The following CCDC141 variants were observed in gnomAD, a reference collection of about 807,000 sequenced individuals.
The protein encoded by CCDC141 is coiled-coil domain containing 141, also known as coiled-coil domain-containing protein 141.
A neutral mutation model predicts 181.0 loss-of-function variants in CCDC141; 168 were observed. That is an observed-to-expected ratio of 0.93 (90% CI 0.82 to 1.05). CCDC141 has a LOEUF of 1.05. Ranked by LOEUF, CCDC141 falls within the 50% of genes least tolerant of loss-of-function variation. The pLI, the probability that CCDC141 is intolerant of heterozygous loss-of-function variation, is 0.00. For synonymous variants in CCDC141, 666 were observed against 642.3 expected (o/e 1.04, Z -0.56); for missense variants, 1,902 against 1,788.5 (o/e 1.06, Z -1.14).
At chr2:178,964,107 C>T (rs1250716256) in intron 4 of CCDC141, among the ~76,000 whole-genome samples, 1 of 152,170 alleles carries the variant, frequency 6.6e-6, no homozygotes, top group Non-Finnish European at 1.5e-5. Flanking sequence ...GTAAAAGCAG[C>T]TTATAGCAGG....
chr2:178,963,421 TTGTTTTTTTCAGGTTGGGGGAACTA>T, intron 4 of CCDC141, among the ~76,000 whole-genome samples: 1 of 152,122 alleles, frequency 6.6e-6, no homozygotes, highest in Non-Finnish European at 1.5e-5. Flanking sequence ...CTGTTTTTTT[TTGTTTTTTTCAGGTTGGGGGAACTA>T]TGGAGAACAC....
chr2:178,818,868 T>C, the CCDC141 span, among the ~76,000 whole-genome samples: 3 of 152,172 alleles, frequency 2.0e-5, no homozygotes, highest in African/African-American at 4.8e-5. Context: ...TCTTCCACAA[T>C]TGTTGAACTA....
At chr2:179,039,736 T>A (rs1366378371) in intron 2 of CCDC141, among the ~76,000 whole-genome samples, 1 of 152,198 alleles carries the variant, frequency 6.6e-6, no homozygotes, top group African/African-American at 2.4e-5. Context: ...ACTACTAATG[T>A]CCTCATCCTT....
chr2:178,926,139 T>C (rs1360426960), intron 6 of CCDC141, among the ~76,000 whole-genome samples: 3 of 151,958 alleles, frequency 2.0e-5, no homozygotes, highest in Non-Finnish European at 4.4e-5. Context: ...TTTATATTGG[T>C]AGGGTGAAAA....
rs1165919658 is a variant in CCDC141, at chr2:178,865,911, G to T, written c.2580C>A (p.Cys860Ter). 1.3e-6 allele frequency: 2 copies of T among 1,577,900 alleles called. No individual in the cohort carries two copies. Among genetic ancestry groups the T allele is most frequent in the Non-Finnish European group, 1.7e-6 (2 of 1,162,692 alleles). The part of the protein sequence containing the change: ...DIISSVQRPH[C>*]SNVSAKNLQQ... Reference sequence around the variant, plus strand: ...GTAGGTTCTTTGCAGAAACATTAGAGCAGTGCTAAAAGAGACAAATGGTGG... The same window carrying T: ...GTAGGTTCTTTGCAGAAACATTAGATCAGTGCTAAAAGAGACAAATGGTGG... The change falls in exon 17 of 24, where the codon TGC becomes TGA. Residue 860 changes from cysteine to a stop codon, truncating the protein, a stop_gained. Coordinates refer to ENST00000443758, the MANE Select transcript of CCDC141 (RefSeq NM_173648.4). LOFTEE classifies it high-confidence loss of function.
intron 2 of CCDC141, among the ~76,000 whole-genome samples, chr2:179,029,374 G>T (rs1317762119): frequency 2.6e-5 from 4 of 152,090 alleles, no homozygotes; most frequent in Non-Finnish European, 5.9e-5. Flanking sequence ...AGCCACTTCT[G>T]AATTTGTTTA....
chr2:178,991,237 C>A (rs1456653606), intron 2 of CCDC141, among the ~76,000 whole-genome samples: 1 of 152,182 alleles, frequency 6.6e-6, no homozygotes. Flanking sequence ...GTTTTTCAGA[C>A]ATACTGAAGA....
intron 5 of CCDC141, 92 bp downstream of exon 5, chr2:178,961,138 T>C (rs1348383461): frequency 2.9e-6 from 4 of 1,381,078 alleles, no homozygotes; most frequent in African/African-American, 1.5e-5. Flanking sequence ...GATTTGACCA[T>C]GAAGACTGAC....
intron 22 of CCDC141, among the ~76,000 whole-genome samples, 153 bp from the exon 23 acceptor site, chr2:178,837,897 T>C (rs777921968): frequency 6.6e-6 from 1 of 152,178 alleles, no homozygotes; most frequent in Non-Finnish European, 1.5e-5. Context: ...TGAGAAACCA[T>C]TTGTCTGTCG....
intron 7 of CCDC141, among the ~76,000 whole-genome samples, chr2:178,906,785 G>A (rs560116309): frequency 6.6e-6 from 1 of 152,312 alleles, no homozygotes; most frequent in Admixed American, 6.5e-5. Context: ...AGACCTGAAG[G>A]AGACCAGGCG....
chr2:178,883,094 G>C (rs1226953218), intron 11 of CCDC141, among the ~76,000 whole-genome samples: 2 of 152,336 alleles, frequency 1.3e-5, no homozygotes, highest in Non-Finnish European at 2.9e-5. Flanking sequence ...CCAAAGGCCA[G>C]AGTGGATCAA....
intron 6 of CCDC141, among the ~76,000 whole-genome samples, chr2:178,923,205 C>T (rs980629519): frequency 1.7e-4 from 26 of 149,644 alleles, no homozygotes; most frequent in African/African-American, 7.4e-5. Context: ...CCCGGGTTCA[C>T]GCCATTCTCC....
At chr2:178,902,881 A>G (rs1446272659) in intron 8 of CCDC141, among the ~76,000 whole-genome samples, 48 of 149,518 alleles carry the variant, frequency 3.2e-4, no homozygotes, top group Non-Finnish European at 5.9e-4. Context: ...AATATCCAGA[A>G]TCTACAGTGA....
At chr2:178,836,197 G>A (rs940185346) in intron 23 of CCDC141, 1 of 152,186 alleles carries the variant, frequency 6.6e-6, no homozygotes, top group South Asian at 2.1e-4. Context: ...ACCAATAGTA[G>A]GTGATCCAAA....
chr2:178,900,256 T>C (rs968167627), intron 8 of CCDC141, among the ~76,000 whole-genome samples: 6 of 152,118 alleles, frequency 3.9e-5, no homozygotes, highest in Admixed American at 3.3e-4. Context: ...TTGAAACCAG[T>C]CTGCATCATG....
chr2:178,829,617 T>G (rs1015169117), downstream of CCDC141: 1 of 152,248 alleles, frequency 6.6e-6, no homozygotes, highest in Admixed American at 6.5e-5. Context: ...GAAAATGAAT[T>G]GTTTTTGCTT....
At chr2:178,870,564 C>T (rs1281773685) in intron 14 of CCDC141, among the ~76,000 whole-genome samples, 1 of 152,100 alleles carries the variant, frequency 6.6e-6, no homozygotes, top group Non-Finnish European at 1.5e-5. Flanking sequence ...GTCACATTTG[C>T]TGAGAGTTTT....
At chr2:178,972,730 G>A (rs1690950638) in intron 4 of CCDC141, among the ~76,000 whole-genome samples, 2 of 152,218 alleles carry the variant, frequency 1.3e-5, no homozygotes. Flanking sequence ...GAGAAGTCAG[G>A]AGAAGGTATA....
rs376585803 is a variant in CCDC141 at position 179,009,342 on chromosome 2, T to C, written c.226-30667A>G. On this transcript the variant is annotated intron_variant, in intron 2 of 23. Transcript: ENST00000443758. ...CCCCTGGGGGTTGAAAAGCCTTGTT[T>C]TGTCATATTACCATGGTTGGTTTTC... 2.8e-4 allele frequency among the ~76,000 whole-genome samples: 42 copies of C among 152,300 alleles called. No individual in the cohort carries two copies. The East Asian group carries it at 3.3e-3, about 12-fold the overall frequency.
Sources: gnomAD v4.1 joint callset for allele counts (sites outside exome capture counted in the v4.1 genomes callset) on GRCh38, gnomAD v4.1.1 for gene constraint, MANE v1.5 for transcripts, NCBI Gene and HGNC (gene_info 2026-07-23, HGNC 2026-07-21) for gene names.